TINAG: variants seen among roughly 807,000 people sequenced by gnomAD.
TINAG encodes tubulointerstitial nephritis antigen.
Under a neutral mutation model 72.7 loss-of-function variants are expected in TINAG, and 83 were observed. The ratio of observed to expected loss-of-function variants is 1.14; its 90% CI spans 0.96 to 1.37. TINAG has a LOEUF of 1.37. Ranked by LOEUF, TINAG falls within the 40% of genes most tolerant of loss-of-function variation. TINAG has a pLI of 0.00. For synonymous variants in TINAG, 234 were observed against 189.9 expected (o/e 1.23, Z -1.91); for missense variants, 685 against 576.6 (o/e 1.19, Z -1.93).
chr6:54,364,308 G>C (rs972533051), intron 9 of TINAG, among the ~76,000 whole-genome samples: 8 of 151,306 alleles, frequency 5.3e-5, no homozygotes, highest in Non-Finnish European at 8.9e-5. Context: ...TTTCCAAATG[G>C]GTGCAATAAA....
At chr6:54,310,027 T>C (rs1784201947) in intron 1 of TINAG, among the ~76,000 whole-genome samples, 1 of 151,704 alleles carries the variant, frequency 6.6e-6, no homozygotes, top group African/African-American at 2.4e-5. Flanking sequence ...CTTCCCTCCC[T>C]CCACACCTCC....
intron 4 of TINAG, among the ~76,000 whole-genome samples, chr6:54,337,554 G>C (rs1176476303): frequency 4.0e-5 from 6 of 151,828 alleles, no homozygotes; most frequent in African/African-American, 1.5e-4. Context: ...GTGCCAGGCT[G>C]GGATTTGAGA....
chr6:54,326,916 A>T lies in TINAG; in HGVS notation c.624A>T (p.Thr208=), dbSNP rs776781010. Residue 208 remains threonine, a splice_region_variant and synonymous_variant, in exon 4 of 11, where the codon ACA becomes ACT. Coordinates refer to ENST00000259782, the MANE Select transcript of TINAG (RefSeq NM_014464.4). Reference sequence around the variant, plus strand: ...TGCTCCTGAGCATGAATGAAATGACAGTAAGTGTTCCTTCTGATTCACGTA... The same window carrying T: ...TGCTCCTGAGCATGAATGAAATGACTGTAAGTGTTCCTTCTGATTCACGTA... ...SPMLLSMNEM[T]ASLPATTDLP... is the part of the protein sequence containing the mutation. The T allele has an allele frequency of 6.2e-7, 1 of 1,613,178 alleles. No homozygotes were observed. Among genetic ancestry groups the T allele is most frequent in the South Asian group, 1.1e-5 (1 of 90,690 alleles).
rs181735844 is a variant in TINAG at position 54,347,384 on chromosome 6, A to T, written c.766A>T (p.Ile256Leu). The T allele has an allele frequency of 2.5e-6, 4 of 1,612,742 alleles. No homozygotes were observed. The highest frequency in any genetic ancestry group is 4.5e-5 in the East Asian group (2 of 44,770). The change falls in exon 6 of 11, where the codon ATA (isoleucine) becomes TTA (leucine). Residue 256 changes from isoleucine to leucine, a missense_variant. Physicochemically the swap from Ile to Leu is conservative, Grantham distance 5 (BLOSUM62 2). Transcript: ENST00000259782. ...TGAAACAGGTGTGGCTGCTGACCGA[A>T]TAGCAATTCAGTCTAAGGGTCGATA... ...FSTASVAADR[I>L]AIQSKGRYTA...
chr6:54,326,391 C>T (rs1477025494), intron 3 of TINAG, among the ~76,000 whole-genome samples: 1 of 150,972 alleles, frequency 6.6e-6, no homozygotes, highest in South Asian at 2.1e-4. Context: ...ACTTTTTTAC[C>T]TTGTCAATTT....
intron 9 of TINAG, among the ~76,000 whole-genome samples, chr6:54,374,904 GT>G (rs144863619): frequency 6.6e-5 from 10 of 151,614 alleles, no homozygotes; most frequent in African/African-American, 9.7e-5. Context: ...TTTTAAAACT[GT>G]TTTTTTTAAT....
intron 9 of TINAG, among the ~76,000 whole-genome samples, chr6:54,379,835 G>A (rs763414648): frequency 1.3e-4 from 20 of 151,390 alleles, no homozygotes; most frequent in Non-Finnish European, 2.7e-4. Context: ...GAACGTGCAG[G>A]TTTGTTATAT....
At chr6:54,389,675 ATTATAGTCT>A in intron 10 of TINAG, 107 bp from the exon 11 acceptor site, 2 of 1,270,642 alleles carry the variant, frequency 1.6e-6, no homozygotes, top group Non-Finnish European at 2.1e-6. Context: ...GTTCTTGATA[ATTATAGTCT>A]ATGATAAATC....
intron 9 of TINAG, among the ~76,000 whole-genome samples, chr6:54,376,335 A>G (rs1286678460): frequency 6.6e-6 from 1 of 152,158 alleles, no homozygotes. Flanking sequence ...TCTTTGGGCT[A>G]ACCAGTAATT....
At chr6:54,319,380 G>A (rs976079606) in intron 1 of TINAG, among the ~76,000 whole-genome samples, 1 of 152,118 alleles carries the variant, frequency 6.6e-6, no homozygotes, top group African/African-American at 2.4e-5. Context: ...TGAATTTGAT[G>A]TGAAGTTCAG....
intron 4 of TINAG, among the ~76,000 whole-genome samples, chr6:54,329,279 G>A (rs776805873): frequency 3.3e-5 from 5 of 152,180 alleles, no homozygotes; most frequent in Admixed American, 6.5e-5. Context: ...GGATGTCTCT[G>A]CAGAAACCCT....
chr6:54,374,685 TC>T (rs1378228220), intron 9 of TINAG, among the ~76,000 whole-genome samples: 1 of 152,068 alleles, frequency 6.6e-6, no homozygotes, highest in Non-Finnish European at 1.5e-5. Context: ...GAAAGCAAAA[TC>T]CTATATCCAG....
intron 1 of TINAG, among the ~76,000 whole-genome samples, chr6:54,316,220 G>A (rs1390867956): frequency 6.6e-6 from 1 of 152,118 alleles, no homozygotes; most frequent in Non-Finnish European, 1.5e-5. Context: ...ACAAATATCA[G>A]TCCTAGAGAG....
chr6:54,366,254 ATGTGTG>A (rs57637287), intron 9 of TINAG, among the ~76,000 whole-genome samples: 2 of 147,920 alleles, frequency 1.4e-5, no homozygotes, highest in Admixed American at 6.8e-5. Context: ...ACGTACGTGT[ATGTGTG>A]TGTGTGTGTG....
chr6:54,318,102 C>G (rs1784413702), intron 1 of TINAG, among the ~76,000 whole-genome samples: 1 of 152,120 alleles, frequency 6.6e-6, no homozygotes, highest in Non-Finnish European at 1.5e-5. Flanking sequence ...GTGTTTTGAG[C>G]TCAGTCCTGG....
At chr6:54,384,574 T>C (rs1764042240) in intron 10 of TINAG, among the ~76,000 whole-genome samples, 1 of 152,062 alleles carries the variant, frequency 6.6e-6, no homozygotes, top group African/African-American at 2.4e-5. Context: ...GCTAAAATGC[T>C]GGATAAAATA....
rs376478124 is a variant in TINAG, at chr6:54,317,232, C to T, written c.356-3347C>T. 5.3e-5 allele frequency among the ~76,000 whole-genome samples: 8 copies of T among 149,688 alleles called. No homozygotes were observed. In the South Asian group the frequency reaches 8.4e-4, roughly 16 times the overall value. On this transcript the variant is annotated intron_variant, in intron 1 of 10. Coordinates refer to ENST00000259782, the MANE Select transcript of TINAG (RefSeq NM_014464.4). ...TACCTCCATCTCTACCATTCTCTCT[C>T]GCTTTCTTGCTCTCTCTTTCTTCTC...
At chr6:54,355,952 T>A (rs1283992803) in intron 9 of TINAG, among the ~76,000 whole-genome samples, 8 of 151,880 alleles carry the variant, frequency 5.3e-5, no homozygotes, top group Admixed American at 5.3e-4. Context: ...AGGAAAATTT[T>A]GCTAATGTTT....
At chr6:54,376,851 T>A (rs527418273) in intron 9 of TINAG, among the ~76,000 whole-genome samples, 1 of 151,972 alleles carries the variant, frequency 6.6e-6, no homozygotes, top group African/African-American at 2.4e-5. Flanking sequence ...ATAAAATAAA[T>A]CCTGAAGGAA....
Sources: gnomAD v4.1 joint callset for allele counts (sites outside exome capture counted in the v4.1 genomes callset) on GRCh38, gnomAD v4.1.1 for gene constraint, MANE v1.5 for transcripts, NCBI Gene and HGNC (gene_info 2026-07-23, HGNC 2026-07-21) for gene names.